Variants in PRKG1 observed in about 807,000 individuals in gnomAD.
The protein encoded by PRKG1 is protein kinase cGMP-dependent 1, also known as cGMP-dependent protein kinase 1.
PRKG1 carries 35 observed loss-of-function variants against 88.1 expected under a neutral mutation model. The ratio of observed to expected loss-of-function variants is 0.40; its 90% CI spans 0.30 to 0.53. The LOEUF (loss-of-function observed/expected upper bound fraction) is 0.53, where lower values mean the gene tolerates loss of function less well. PRKG1 is among the 20% of genes least tolerant of loss of function. The probability of loss-of-function intolerance (pLI) is 0.59; values close to 1 mark genes in which losing one functional copy is unlikely to be tolerated. For missense variants in PRKG1, 540 were observed against 839.8 expected, an observed-to-expected ratio of 0.64 and a Z score of 4.41; for synonymous variants, 303 against 292.5, an observed-to-expected ratio of 1.04 and a Z score of -0.37.
chr10:51,777,604 C>T (rs1380316715), intron 3 of PRKG1, among the ~76,000 whole-genome samples: 1 of 152,110 alleles, frequency 6.6e-6, no homozygotes, highest in East Asian at 1.9e-4. Flanking sequence ...AATTGACATA[C>T]CTACATTGAC....
chr10:51,453,590 A>T (rs1413373296), intron 2 of PRKG1, among the ~76,000 whole-genome samples: 2 of 151,982 alleles, frequency 1.3e-5, no homozygotes, highest in Admixed American at 6.6e-5. Context: ...TTAAAATCAG[A>T]TTAATTTCCA....
Position 51,849,838 on chromosome 10 carries a change from T to C in PRKG1, c.698+45148T>C, listed in dbSNP as rs73331386. Among the ~76,000 whole-genome samples, 1,287 of 152,306 alleles carry C rather than the reference T, an allele frequency of 8.5e-3. 23 individuals carry two copies. The highest frequency in any genetic ancestry group is 0.029 in the African/African-American group (1,213 of 41,566). ...CATTCAAACAGGGGCAGACTCAGGT[T>C]TGATGGGGCCTTAAGCATACAGAAT... On this transcript the variant is annotated intron_variant, in intron 4 of 17. Transcript: ENST00000373980.
At chr10:52,035,813 G>T (rs977883648) in intron 5 of PRKG1, among the ~76,000 whole-genome samples, 2 of 152,104 alleles carry the variant, frequency 1.3e-5, no homozygotes, top group African/African-American at 4.8e-5. Flanking sequence ...TTGTGATTTT[G>T]AGGGCCTCTA....
chr10:51,828,177 T>C (rs1300392071), intron 4 of PRKG1, among the ~76,000 whole-genome samples: 3 of 152,184 alleles, frequency 2.0e-5, no homozygotes, highest in Admixed American at 6.6e-5. Flanking sequence ...TGGCAGCAAG[T>C]TGTCAAAGGA....
At chr10:51,312,108 G>T (rs915248229) in intron 2 of PRKG1, among the ~76,000 whole-genome samples, 1 of 152,098 alleles carries the variant, frequency 6.6e-6, no homozygotes, top group Non-Finnish European at 1.5e-5. Flanking sequence ...CTGACCTCAG[G>T]TGATCTGCCC....
At chr10:52,233,056 C>T (rs576307494) in intron 9 of PRKG1, among the ~76,000 whole-genome samples, 7 of 152,190 alleles carry the variant, frequency 4.6e-5, no homozygotes, top group African/African-American at 7.2e-5. Context: ...GTGCTCCTAT[C>T]ACTTTATATA....
chr10:51,737,920 C>T (rs1457159327), intron 3 of PRKG1, among the ~76,000 whole-genome samples: 2 of 150,650 alleles, frequency 1.3e-5, no homozygotes, highest in Admixed American at 6.6e-5. Context: ...CATGCCACCA[C>T]GCCTGGCTAA....
intron 2 of PRKG1, among the ~76,000 whole-genome samples, chr10:51,348,326 T>C (rs1842161877): frequency 6.6e-6 from 1 of 152,186 alleles, no homozygotes; most frequent in Admixed American, 6.5e-5. Context: ...TGATCTCTGT[T>C]AGCCCGTCAG....
intron 10 of PRKG1, 88 bp from the exon 11 acceptor site, chr10:52,271,262 G>A: frequency 1.5e-6 from 2 of 1,373,026 alleles, no homozygotes; most frequent in Non-Finnish European, 1.0e-6. Flanking sequence ...GTTCATTTAA[G>A]TGCGCCATGT....
intron 2 of PRKG1, among the ~76,000 whole-genome samples, chr10:51,218,090 G>T (rs957608989): frequency 6.6e-6 from 1 of 152,014 alleles, no homozygotes; most frequent in Non-Finnish European, 1.5e-5. Flanking sequence ...GTCGTTAACT[G>T]TTATTTAACA....
chr10:51,854,281 A>G (rs1840626981), intron 4 of PRKG1, among the ~76,000 whole-genome samples: 1 of 152,076 alleles, frequency 6.6e-6, no homozygotes, highest in African/African-American at 2.4e-5. Context: ...AAAGAAAGAC[A>G]AAAAAATAGC....
intron 4 of PRKG1, among the ~76,000 whole-genome samples, chr10:51,884,025 C>T (rs1424957820): frequency 1.4e-4 from 15 of 106,052 alleles, no homozygotes; most frequent in Admixed American, 6.0e-4. Context: ...TTTTATTTTT[C>T]AAAAAAAAAA....
At chr10:51,656,377 T>C (rs1690804696) in intron 3 of PRKG1, among the ~76,000 whole-genome samples, 1 of 152,084 alleles carries the variant, frequency 6.6e-6, no homozygotes, top group African/African-American at 2.4e-5. Context: ...CTCTCTGACG[T>C]CCCCAATATG....
intron 3 of PRKG1, among the ~76,000 whole-genome samples, chr10:51,606,997 A>T (rs1242460249): frequency 1.3e-5 from 2 of 152,150 alleles, no homozygotes; most frequent in Non-Finnish European, 2.9e-5. Context: ...AGGGTGGAGT[A>T]TTACAGCCCT....
At chr10:52,286,670 C>T (rs1285551534) in intron 14 of PRKG1, among the ~76,000 whole-genome samples, 2 of 151,692 alleles carry the variant, frequency 1.3e-5, no homozygotes, top group East Asian at 3.8e-4. Flanking sequence ...AATTAGTAAT[C>T]TTACATATAT....
At chr10:51,999,079 C>T (rs1844527183) in intron 5 of PRKG1, among the ~76,000 whole-genome samples, 1 of 152,168 alleles carries the variant, frequency 6.6e-6, no homozygotes, top group African/African-American at 2.4e-5. Context: ...GAGCTTTTCT[C>T]TAGAACTTTA....
intron 2 of PRKG1, among the ~76,000 whole-genome samples, chr10:51,257,473 A>G (rs1564658155): frequency 6.6e-6 from 1 of 152,202 alleles, no homozygotes; most frequent in African/African-American, 2.4e-5. Flanking sequence ...ACAGAAATGC[A>G]TCAGAAACTG....
At chr10:52,224,607 TCCC>T (rs1169367076) in intron 9 of PRKG1, among the ~76,000 whole-genome samples, 2 of 109,430 alleles carry the variant, frequency 1.8e-5, no homozygotes, top group Admixed American at 2.2e-4. Flanking sequence ...CTCCGACTCT[TCCC>T]CCCAAGTCCC....
chr10:51,420,249 A>G (rs1191696101), intron 2 of PRKG1, among the ~76,000 whole-genome samples: 3 of 152,044 alleles, frequency 2.0e-5, no homozygotes, highest in Middle Eastern at 3.2e-3. Context: ...TAAATGACAT[A>G]GTATTAGTAT....
Sources: allele counts gnomAD v4.1 joint callset (sites outside exome capture counted in the v4.1 genomes callset), GRCh38; gene constraint gnomAD v4.1.1; transcripts MANE v1.5; gene names NCBI Gene and HGNC (gene_info 2026-07-23, HGNC 2026-07-21).